Variants in DOCK4 observed in about 807,000 individuals in gnomAD.
The protein encoded by DOCK4 is dedicator of cytokinesis protein 4.
A neutral mutation model predicts 268.1 loss-of-function variants in DOCK4; 97 were observed. The ratio of observed to expected loss-of-function variants is 0.36; its 90% CI spans 0.31 to 0.43. The LOEUF (loss-of-function observed/expected upper bound fraction) is 0.43, where lower values mean the gene tolerates loss of function less well. DOCK4 is among the 20% of genes least tolerant of loss of function. DOCK4 has a pLI of 1.00. For missense variants in DOCK4, 2,145 were observed against 2,455.7 expected (o/e 0.87, Z 2.67); for synonymous variants, 954 against 887.2 (o/e 1.08, Z -1.34).
chr7:112,182,247 T>C (rs1390423508), intron 1 of DOCK4, among the ~76,000 whole-genome samples: 2 of 152,212 alleles, frequency 1.3e-5, no homozygotes, highest in African/African-American at 2.4e-5. Context: ...TTCAGTCTTA[T>C]AGTTATTATT....
chr7:111,969,002 T>C (rs1321317215), intron 8 of DOCK4, among the ~76,000 whole-genome samples: 10 of 96,450 alleles, frequency 1.0e-4, no homozygotes, highest in South Asian at 4.2e-4. Flanking sequence ...TAGGTGGGAA[T>C]TGAACAATGA....
chr7:111,925,712 G>A (rs191056965), intron 12 of DOCK4, among the ~76,000 whole-genome samples: 1 of 152,080 alleles, frequency 6.6e-6, no homozygotes, highest in Non-Finnish European at 1.5e-5. Context: ...AGATACTTAC[G>A]CTATTAATGT....
intron 1 of DOCK4, among the ~76,000 whole-genome samples, chr7:112,049,583 A>G (rs1049937670): frequency 6.6e-6 from 1 of 152,188 alleles, no homozygotes; most frequent in East Asian, 1.9e-4. Context: ...CCACAATTAA[A>G]AGGCAGAGAT....
chr7:111,861,787 AC>A (rs1209794614), intron 23 of DOCK4, among the ~76,000 whole-genome samples: 1 of 150,882 alleles, frequency 6.6e-6, no homozygotes, highest in African/African-American at 2.4e-5. Context: ...AATAAAAAAA[AC>A]ACTCCAAAGA....
chr7:111,791,530 C>T (rs1437140553), intron 30 of DOCK4, among the ~76,000 whole-genome samples: 1 of 151,900 alleles, frequency 6.6e-6, no homozygotes, highest in African/African-American at 2.4e-5. Flanking sequence ...TCACTGCTAC[C>T]TCTGCCTCCC....
At position 111,869,483 on chromosome 7, in the gene DOCK4, C is replaced by T. The variant is rs1806242886; in HGVS notation, c.2109+91G>A. The T allele has an allele frequency of 1.7e-5, 18 of 1,052,950 alleles. No homozygotes were observed. In the South Asian group the frequency reaches 2.1e-4, roughly 12 times the overall value. 65.2% of individuals were successfully genotyped at this position (1,052,950 alleles called of 1,614,324 possible). A position where few individuals can be genotyped will look rare whatever the true frequency, so the allele number is the denominator to read the frequency against. ...GGAATGTCAGTAATACATCATCACC[C>T]ATTACTGTCTGTGTAGAGGAACCAA... is the stretch of plus-strand genomic sequence containing the variant. On this transcript the variant is annotated intron_variant, in intron 21 of 52. Transcript: ENST00000428084.
intron 1 of DOCK4, among the ~76,000 whole-genome samples, chr7:112,020,813 T>G (rs1447346372): frequency 6.6e-6 from 1 of 152,204 alleles, no homozygotes; most frequent in African/African-American, 2.4e-5. Flanking sequence ...TTTAGATGTT[T>G]CTTTCATGTT....
chr7:111,803,395 C>T (rs969184471), intron 30 of DOCK4, among the ~76,000 whole-genome samples: 2 of 152,256 alleles, frequency 1.3e-5, no homozygotes, highest in South Asian at 4.1e-4. Context: ...ATTTAGTATA[C>T]TTTCTCTACC....
intron 8 of DOCK4, among the ~76,000 whole-genome samples, chr7:111,959,832 C>G (rs1796725183): frequency 1.3e-5 from 2 of 152,104 alleles, no homozygotes; most frequent in Admixed American, 6.5e-5. Flanking sequence ...TCTTTTCCAC[C>G]TATGATGTTT....
intron 2 of DOCK4, among the ~76,000 whole-genome samples, chr7:112,002,392 T>G (rs1800499335): frequency 6.6e-6 from 1 of 152,160 alleles, no homozygotes; most frequent in Non-Finnish European, 1.5e-5. Context: ...ACAAAACACC[T>G]CCTATTAGAT....
At chr7:111,859,869 G>C (rs1473197826) in intron 23 of DOCK4, among the ~76,000 whole-genome samples, 3 of 152,196 alleles carry the variant, frequency 2.0e-5, no homozygotes, top group Admixed American at 2.0e-4. Flanking sequence ...GCCCGGCCGT[G>C]TGTTAATTTT....
At chr7:111,882,421 T>G (rs1254442508) in intron 16 of DOCK4, among the ~76,000 whole-genome samples, 1 of 152,178 alleles carries the variant, frequency 6.6e-6, no homozygotes, top group Admixed American at 6.6e-5. Context: ...TAAATTAAAA[T>G]TTTGAGGAAA....
At chr7:112,205,200 C>G (rs1821292245) in intron 1 of DOCK4, among the ~76,000 whole-genome samples, 1 of 152,106 alleles carries the variant, frequency 6.6e-6, no homozygotes, top group Admixed American at 6.5e-5. Flanking sequence ...CTTTGTTGTT[C>G]ACCTTTACAC....
intron 30 of DOCK4, among the ~76,000 whole-genome samples, chr7:111,801,102 C>T (rs1435783708): frequency 2.0e-5 from 3 of 152,164 alleles, no homozygotes; most frequent in Admixed American, 6.5e-5. Context: ...GCGATTCCTA[C>T]CACCTGTGCC....
rs184525393 is a variant in DOCK4, at chr7:111,782,585, G to A, written c.3585+279C>T. ...TCTAGGAGGGTGAAGTAGTGCAACC[G>A]GGGAACCCAATGGCATCACTCTGGG... On this transcript the variant is annotated intron_variant, in intron 35 of 52. Transcript: ENST00000428084. Among the ~76,000 whole-genome samples the A allele has an allele frequency of 1.2e-3, 182 of 152,214 alleles. No homozygotes were observed. The South Asian group carries it at 0.023, about 19-fold the overall frequency.
intron 16 of DOCK4, among the ~76,000 whole-genome samples, chr7:111,888,340 T>C (rs1208618312): frequency 1.3e-5 from 2 of 151,488 alleles, no homozygotes; most frequent in East Asian, 2.0e-4. Flanking sequence ...GAACTAAGGA[T>C]TAAGAGATAC....
intron 1 of DOCK4, among the ~76,000 whole-genome samples, chr7:112,091,089 G>T (rs1025675270): frequency 1.3e-5 from 2 of 152,086 alleles, no homozygotes; most frequent in African/African-American, 4.8e-5. Flanking sequence ...GTAAAGGAAG[G>T]TCTCTCATCT....
chr7:112,156,358 C>T (rs1816613153), intron 1 of DOCK4, among the ~76,000 whole-genome samples: 1 of 152,138 alleles, frequency 6.6e-6, no homozygotes, highest in Non-Finnish European at 1.5e-5. Context: ...AAAATGTTTG[C>T]ATTTCTTAGA....
chr7:111,757,531 T>C (rs1205364155), intron 41 of DOCK4, among the ~76,000 whole-genome samples: 2 of 152,212 alleles, frequency 1.3e-5, no homozygotes, highest in Admixed American at 1.3e-4. Flanking sequence ...AACAAGAACA[T>C]GATCATGGAT....
Sources: gnomAD v4.1 joint callset for allele counts (sites outside exome capture counted in the v4.1 genomes callset) on GRCh38, gnomAD v4.1.1 for gene constraint, MANE v1.5 for transcripts, NCBI Gene and HGNC (gene_info 2026-07-23, HGNC 2026-07-21) for gene names.